Variants in EXOC1 observed in about 807,000 individuals in gnomAD.
The protein encoded by EXOC1 is SEC3-like 1.
Under a neutral mutation model 107.7 loss-of-function variants are expected in EXOC1, and 67 were observed. The ratio of observed to expected loss-of-function variants is 0.62; its 90% CI spans 0.51 to 0.76. EXOC1 has a LOEUF of 0.76. Ranked by LOEUF, EXOC1 falls within the 30% of genes least tolerant of loss-of-function variation. EXOC1 has a pLI of 0.00. For missense variants in EXOC1, 833 were observed against 1,055.7 expected (o/e 0.79, Z 2.92); for synonymous variants, 348 against 353.5 (o/e 0.98, Z 0.17).
At chr4:55,893,425 G>A in intron 14 of EXOC1, 127 bp from the exon 15 acceptor site, 1 of 880,892 alleles carries the variant, frequency 1.1e-6, no homozygotes, top group Non-Finnish European at 1.7e-6. Flanking sequence ...TGGCTATTTA[G>A]ACATTTTTAA....
intron 5 of EXOC1, among the ~76,000 whole-genome samples, chr4:55,870,229 A>G (rs935402106): frequency 3.3e-5 from 5 of 152,236 alleles, no homozygotes; most frequent in African/African-American, 1.2e-4. Context: ...AAGATATCAC[A>G]TAGGTGATTA....
At chr4:55,872,472 A>G (rs1722535909) in intron 8 of EXOC1, among the ~76,000 whole-genome samples, 1 of 152,104 alleles carries the variant, frequency 6.6e-6, no homozygotes, top group Non-Finnish European at 1.5e-5. Flanking sequence ...AAAGGATGTT[A>G]TAATTAAGAG....
intron 16 of EXOC1, 56 bp from the exon 17 acceptor site, chr4:55,899,629 A>C: frequency 6.8e-7 from 1 of 1,460,022 alleles, no homozygotes; most frequent in East Asian, 2.3e-5. Context: ...AAATGTTTAT[A>C]GCTAAATATG....
chr4:55,897,249 C>G (rs984259334), intron 16 of EXOC1, among the ~76,000 whole-genome samples: 1 of 151,798 alleles, frequency 6.6e-6, no homozygotes, highest in Non-Finnish European at 1.5e-5. Context: ...ACCTCACCCT[C>G]CCAAGTAGCT....
chr4:55,886,675 A>G (rs866215860), intron 10 of EXOC1, among the ~76,000 whole-genome samples: 1 of 152,124 alleles, frequency 6.6e-6, no homozygotes, highest in Non-Finnish European at 1.5e-5. Flanking sequence ...TGACTTTTCA[A>G]TGAATGAAAA....
intron 5 of EXOC1, 28 bp downstream of exon 5, chr4:55,868,551 A>G: frequency 3.1e-6 from 5 of 1,594,478 alleles, no homozygotes; most frequent in Non-Finnish European, 3.4e-6. Context: ...TCTATGAATA[A>G]GTGATGTATA....
rs1370691186 is a variant in EXOC1 at position 55,890,290 on chromosome 4, T to A, written c.1443T>A (p.Ser481Arg). The A allele has an allele frequency of 6.2e-7, 1 of 1,613,986 alleles. No homozygotes were observed. The highest frequency in any genetic ancestry group is 1.7e-5 in the Admixed American group (1 of 60,008). Residue 481 changes from serine (S) to arginine (R), a missense_variant, in exon 12 of 19, where the codon AGT becomes AGA. By Grantham distance (110) the Ser-to-Arg change is moderately radical. Around this residue, in one of 2 missense-constraint regions of EXOC1, gnomAD observed 617 missense variants for 701.3 expected, o/e 0.88. Coordinates refer to ENST00000381295, the MANE Select transcript of EXOC1 (RefSeq NM_001024924.2). Reference protein sequence around the residue: ...TSSLNKLSVQSSGNRRSQSSS... With the variant: ...TSSLNKLSVQRSGNRRSQSSS... ...GTCTAAATAAGCTCAGTGTTCAGAG[T>A]TCAGGGAATCGCAGATCTCAGTCAT... is the stretch of plus-strand genomic sequence containing the variant.
chr4:55,865,879 G>A (rs1383376543), intron 4 of EXOC1, among the ~76,000 whole-genome samples: 1 of 151,586 alleles, frequency 6.6e-6, no homozygotes, highest in Non-Finnish European at 1.5e-5. Context: ...GTATAGACAC[G>A]TTCATGTGTA....
chr4:55,874,075 G>A (rs565541945), intron 8 of EXOC1, among the ~76,000 whole-genome samples: 1 of 152,234 alleles, frequency 6.6e-6, no homozygotes, highest in South Asian at 2.1e-4. Flanking sequence ...TGCTAAAAAG[G>A]TTTAATCAAA....
intron 10 of EXOC1, among the ~76,000 whole-genome samples, 169 bp downstream of exon 10, chr4:55,884,097 A>T (rs767388065): frequency 2.0e-5 from 3 of 152,238 alleles, no homozygotes; most frequent in Non-Finnish European, 4.4e-5. Context: ...ACAAATATGT[A>T]TATCTGTAAA....
chr4:55,869,935 T>G (rs1260437959), intron 5 of EXOC1, among the ~76,000 whole-genome samples: 3 of 152,208 alleles, frequency 2.0e-5, no homozygotes, highest in African/African-American at 7.2e-5. Flanking sequence ...GTCAGCATAT[T>G]GCTTTGCAGT....
At position 55,896,876 on chromosome 4, in the gene EXOC1, C is replaced by A; in HGVS notation, c.2113C>A (p.Leu705Ile). Reference sequence around the variant, plus strand: ...AGACCTGGATAAAGCATACACCAAACTTATCAGAGGAGTATTTGTTAATGG... The same window carrying A: ...AGACCTGGATAAAGCATACACCAAAATTATCAGAGGAGTATTTGTTAATGG... ...RGDLDKAYTK[L>I]IRGVFVNVEK... Residue 705 changes from leucine (L) to isoleucine (I), a missense_variant, in exon 16 of 19, where the codon CTT becomes ATT. Leu to Ile is a conservative substitution (Grantham distance 5). Around this residue, in one of 2 missense-constraint regions of EXOC1, gnomAD observed 216 missense variants for 354.4 expected, o/e 0.61. Coordinates refer to ENST00000381295, the MANE Select transcript of EXOC1 (RefSeq NM_001024924.2). 6.2e-7 allele frequency: 1 copy of A among 1,602,114 alleles called. No homozygotes were observed. Among genetic ancestry groups the A allele is most frequent in the Non-Finnish European group, 8.5e-7 (1 of 1,176,374 alleles).
At chr4:55,903,147 TAAAAAAA>T (rs10544843) in intron 18 of EXOC1, among the ~76,000 whole-genome samples, 2 of 98,512 alleles carry the variant, frequency 2.0e-5, no homozygotes, top group African/African-American at 6.7e-5. Context: ...GTGTCTCAAT[TAAAAAAA>T]AAAAAAAAAA....
At chr4:55,900,184 T>A (rs1389318984) in intron 17 of EXOC1, among the ~76,000 whole-genome samples, 1 of 152,190 alleles carries the variant, frequency 6.6e-6, no homozygotes, top group Non-Finnish European at 1.5e-5. Flanking sequence ...TAAGATAATA[T>A]TATCCCCATT....
chr4:55,877,228 T>C, intron 8 of EXOC1: 1 of 985,368 alleles, frequency 1.0e-6, no homozygotes, highest in Non-Finnish European at 1.2e-6. Flanking sequence ...GTTAACTAGC[T>C]CCAAAACTCT....
chr4:55,890,138 A>T, intron 11 of EXOC1, 85 bp from the exon 12 acceptor site: 2 of 1,314,538 alleles, frequency 1.5e-6, no homozygotes, highest in Non-Finnish European at 2.2e-6. Flanking sequence ...TCAAGCCAGT[A>T]GAAGATAGAA....
intron 9 of EXOC1, among the ~76,000 whole-genome samples, chr4:55,882,099 TTTG>T (rs57694786): frequency 2.1e-4 from 31 of 150,872 alleles, no homozygotes; most frequent in African/African-American, 6.8e-4. Flanking sequence ...CCATAGGGTT[TTTG>T]TTGTTGTTGT....
intron 18 of EXOC1, among the ~76,000 whole-genome samples, chr4:55,903,159 A>G (rs544575725): frequency 1.4e-5 from 2 of 144,884 alleles, no homozygotes; most frequent in Non-Finnish European, 3.1e-5. Flanking sequence ...AAAAAAAAAA[A>G]AAAAAGAAAG....
chr4:55,888,725 G>T, intron 10 of EXOC1, 163 bp from the exon 11 acceptor site: 1 of 626,836 alleles, frequency 1.6e-6, no homozygotes. Context: ...AACAGTAGGT[G>T]ACCAACTAAA....
Sources: gnomAD v4.1 joint callset for allele counts (sites outside exome capture counted in the v4.1 genomes callset) on GRCh38, gnomAD v4.1.1 for gene constraint, gnomAD v4.1.1 regional missense constraint, MANE v1.5 for transcripts, NCBI Gene and HGNC (gene_info 2026-07-23, HGNC 2026-07-21) for gene names.